The following PARD3B variants were observed in gnomAD, a reference collection of about 807,000 sequenced individuals.
The protein encoded by PARD3B is partitioning defective 3 homolog B.
A neutral mutation model predicts 130.2 loss-of-function variants in PARD3B; 103 were observed. The observed-to-expected ratio is 0.79, with a 90% CI of 0.67 to 0.93. The LOEUF is 0.93. Ranked by LOEUF, PARD3B falls within the 40% of genes least tolerant of loss-of-function variation. The pLI is 0.00. For missense variants in PARD3B, 1,609 were observed against 1,499.2 expected (o/e 1.07, Z -1.21); for synonymous variants, 583 against 553.2 (o/e 1.05, Z -0.76).
intron 2 of PARD3B, among the ~76,000 whole-genome samples, chr2:204,894,425 A>G (rs533761428): frequency 6.6e-6 from 1 of 151,992 alleles, no homozygotes; most frequent in Non-Finnish European, 1.5e-5. Flanking sequence ...GAAAGATATT[A>G]TAGTGACAGG....
chr2:205,139,117 T>G (rs1212563253), intron 10 of PARD3B, among the ~76,000 whole-genome samples: 1 of 152,110 alleles, frequency 6.6e-6, no homozygotes, highest in Non-Finnish European at 1.5e-5. Flanking sequence ...GTTTTGGAGA[T>G]ACCATGGAGT....
In PARD3B at chr2:205,288,284, G is replaced by T. The variant is rs2105862748; in HGVS notation, c.2186-12246G>T. ...TCCTGCACCCTATCCCTCCTCGTCA[G>T]AGAAAAACCTGGGGAAAATAGTTCT... On this transcript the variant is annotated intron_variant, in intron 16 of 22. Transcript: ENST00000406610. The surrounding 1 kb of genome is among the most constrained non-coding windows in gnomAD (Gnocchi z 4.0). Among the ~76,000 whole-genome samples the T allele has an allele frequency of 6.6e-6, 1 of 152,184 alleles. No homozygotes were observed. The highest frequency in any genetic ancestry group is 2.1e-4 in the South Asian group (1 of 4,814).
Position 205,054,420 on chromosome 2 carries a change from ATATATATATATATATATTTTT to A in PARD3B, c.504+6732_504+6752del, listed in dbSNP as rs1294734967. Among the ~76,000 whole-genome samples, 11 of 18,278 alleles carry A rather than the reference ATATATATATATATATATTTTT, an allele frequency of 6.0e-4. 1 individual carries two copies. The highest frequency in any genetic ancestry group is 1.1e-3 in the Non-Finnish European group (9 of 8,530). The allele number at this position is 18,278 out of a possible 152,430, so 12.0% of individuals were successfully genotyped here. A position where few individuals can be genotyped will look rare whatever the true frequency, so the allele number is the denominator to read the frequency against. ...ACATGTCTTTTATATATATATATAT[ATATATATATATATATATTTTT>A]TTTTTTTTTTTTTTTTAATTATACT... On this transcript the variant is annotated intron_variant, in intron 4 of 22. Coordinates refer to ENST00000406610, the MANE Select transcript of PARD3B (RefSeq NM_001302769.2).
intron 10 of PARD3B, among the ~76,000 whole-genome samples, chr2:205,138,773 A>G (rs977516631): frequency 6.6e-6 from 1 of 152,318 alleles, no homozygotes; most frequent in Admixed American, 6.5e-5. Flanking sequence ...TTTGTTCCAT[A>G]CTTCAGAATG....
chr2:204,605,904 A>G (rs1414529491), intron 1 of PARD3B, among the ~76,000 whole-genome samples: 1 of 152,060 alleles, frequency 6.6e-6, no homozygotes, highest in African/African-American at 2.4e-5. Context: ...CTCATTTCCT[A>G]TGGCTATTCT....
At chr2:205,279,766 C>A (rs888745921) in intron 16 of PARD3B, among the ~76,000 whole-genome samples, 1 of 152,096 alleles carries the variant, frequency 6.6e-6, no homozygotes. Context: ...CTAAAATGAA[C>A]CCCCTCTTGG....
chr2:205,199,472 T>TAC (rs541089617), intron 15 of PARD3B, among the ~76,000 whole-genome samples: 8 of 151,204 alleles, frequency 5.3e-5, no homozygotes, highest in Admixed American at 2.0e-4. Context: ...TATATACACA[T>TAC]ACACACACAC....
chr2:204,680,320 T>G (rs924511373), intron 1 of PARD3B, among the ~76,000 whole-genome samples: 1 of 152,044 alleles, frequency 6.6e-6, no homozygotes, highest in Non-Finnish European at 1.5e-5. Flanking sequence ...TTTCGAAGAA[T>G]TCGTTCATTT....
chr2:205,206,706 C>A lies in PARD3B; in HGVS notation c.2140+13386C>A, dbSNP rs537213418. ...GTGCATGTGTCTTTATAGCAGCATG[C>A]TTTATAGTCCTTTGGGTATATACCC... On this transcript the variant is annotated intron_variant, in intron 15 of 22. Coordinates refer to ENST00000406610, the MANE Select transcript of PARD3B (RefSeq NM_001302769.2). Among the ~76,000 whole-genome samples the A allele has an allele frequency of 5.2e-3, 789 of 152,002 alleles. 2 individuals carry two copies. Among genetic ancestry groups the A allele is most frequent in the Middle Eastern group, 0.017 (5 of 294 alleles).
At chr2:205,521,278 G>C (rs527242562) in intron 21 of PARD3B, among the ~76,000 whole-genome samples, 6 of 151,600 alleles carry the variant, frequency 4.0e-5, no homozygotes, top group Non-Finnish European at 5.9e-5. Context: ...TAGGTTTATT[G>C]GCCATGTATA....
Position 205,530,132 on chromosome 2 carries a change from G to C in PARD3B, c.3181-23192G>C, listed in dbSNP as rs1019783040. Among the ~76,000 whole-genome samples the C allele has an allele frequency of 2.6e-5, 4 of 152,160 alleles. No individual in the cohort carries two copies. Among genetic ancestry groups the C allele is most frequent in the African/African-American group, 9.7e-5 (4 of 41,434 alleles). On this transcript the variant is annotated intron_variant, in intron 21 of 22. Coordinates refer to ENST00000406610, the MANE Select transcript of PARD3B (RefSeq NM_001302769.2). This position sits in a 1 kb window ranked among gnomAD's most constrained non-coding sequence, Gnocchi z 4.7. ...AAAAGAGTGGCACACAGGAGCATGT[G>C]GAAAGGAAATAATATGCACATCTAA...
rs2043554634 is a variant in PARD3B at position 205,341,875 on chromosome 2, AT to A, written c.2630+40175del. Among the ~76,000 whole-genome samples the A allele has an allele frequency of 6.6e-6, 1 of 152,166 alleles. No individual in the cohort carries two copies. The highest frequency in any genetic ancestry group is 6.5e-5 in the Admixed American group (1 of 15,268). ...TACAATTATTACACATCAACTAAAA[AT>A]AAAAGGAAAAATAGGTAAATAATAT... On this transcript the variant is annotated intron_variant, in intron 18 of 22. Coordinates refer to ENST00000406610, the MANE Select transcript of PARD3B (RefSeq NM_001302769.2). This position sits in a 1 kb window ranked among gnomAD's most constrained non-coding sequence, Gnocchi z 4.3.
chr2:205,478,510 C>G (rs570024339), intron 20 of PARD3B, among the ~76,000 whole-genome samples: 49 of 152,300 alleles, frequency 3.2e-4, no homozygotes, highest in African/African-American at 1.1e-3. Flanking sequence ...TTACCCAGAG[C>G]CGGGCTTCAT....
Position 204,883,373 on chromosome 2 carries a change from C to T in PARD3B, c.223-81779C>T, listed in dbSNP as rs534087045. On this transcript the variant is annotated intron_variant, in intron 2 of 22. Transcript: ENST00000406610. ...TATTCAGATGCATTAACTATATTTTCTTTTTTTATTTTATGTGTATGTATA... is the reference window on the plus strand; with the variant it reads ...TATTCAGATGCATTAACTATATTTTTTTTTTTTATTTTATGTGTATGTATA... Among the ~76,000 whole-genome samples the T allele has an allele frequency of 8.2e-3, 977 of 119,652 alleles. 9 individuals are homozygous for T. The highest frequency in any genetic ancestry group is 0.013 in the Non-Finnish European group (714 of 56,448). The allele number at this position is 119,652 out of a possible 152,430, so 78.5% of individuals were successfully genotyped here.
intron 11 of PARD3B, among the ~76,000 whole-genome samples, chr2:205,166,528 T>C (rs17248088): frequency 0.13 from 20,485 of 152,228 alleles, 1,600 homozygotes; most frequent in Middle Eastern, 0.26. Context: ...AGCTTTTTTG[T>C]TTTAACAACT....
chr2:205,179,436 G>A (rs2035665857), intron 13 of PARD3B, among the ~76,000 whole-genome samples: 1 of 152,168 alleles, frequency 6.6e-6, no homozygotes, highest in Admixed American at 6.5e-5. Flanking sequence ...TGCCAGTCCT[G>A]CAAGCTCCAT....
intron 2 of PARD3B, among the ~76,000 whole-genome samples, chr2:204,739,289 T>C (rs755890471): frequency 1.3e-5 from 2 of 152,136 alleles, no homozygotes; most frequent in African/African-American, 2.4e-5. Flanking sequence ...GAAATGTGTG[T>C]GTTGGTTCAC....
intron 2 of PARD3B, among the ~76,000 whole-genome samples, chr2:204,704,777 T>A (rs993157294): frequency 1.3e-5 from 2 of 152,170 alleles, no homozygotes; most frequent in Non-Finnish European, 2.9e-5. Context: ...CTCTTATATA[T>A]TGAGAATATT....
chr2:204,600,827 T>C (rs1358170796), intron 1 of PARD3B, among the ~76,000 whole-genome samples: 3 of 151,900 alleles, frequency 2.0e-5, no homozygotes, highest in Admixed American at 6.6e-5. Flanking sequence ...AAATGAGTTA[T>C]ATAGAATGTA....
Sources: allele counts gnomAD v4.1 joint callset (sites outside exome capture counted in the v4.1 genomes callset), GRCh38; gene constraint gnomAD v4.1.1; non-coding constraint Gnocchi (gnomAD v3.1); transcripts MANE v1.5; gene names NCBI Gene and HGNC (gene_info 2026-07-23, HGNC 2026-07-21).